Variants in RAB40C observed in about 807,000 individuals in gnomAD.
RAB40C encodes RAB40C, member RAS oncogene family, also known as ras-related protein Rab-40C.
A neutral mutation model predicts 28.1 loss-of-function variants in RAB40C; 8 were observed. That is an observed-to-expected ratio of 0.28 (90% confidence interval 0.17 to 0.51). The LOEUF is 0.51. RAB40C is among the 20% of genes least tolerant of loss of function. The pLI, the probability that RAB40C is intolerant of heterozygous loss-of-function variation, is 0.97. For missense variants in RAB40C, 288 were observed against 405.9 expected, an observed-to-expected ratio of 0.71 and a Z score of 2.50; for synonymous variants, 201 against 171.7, an observed-to-expected ratio of 1.17 and a Z score of -1.34.
intron 1 of RAB40C, among the ~76,000 whole-genome samples, chr16:598,936 G>C (rs1306987189): frequency 6.6e-6 from 1 of 152,176 alleles, no homozygotes; most frequent in African/African-American, 2.4e-5. Flanking sequence ...GGGAGCCTGT[G>C]TGCTGCTTTC....
intron 3 of RAB40C, among the ~76,000 whole-genome samples, chr16:619,095 T>C (rs2036656110): frequency 7.2e-6 from 1 of 138,198 alleles, no homozygotes; most frequent in Admixed American, 7.4e-5. Context: ...TGTGCAGGCA[T>C]GTGCACAGGT....
At position 627,975 on chromosome 16, in the gene RAB40C, C is replaced by T. The variant is rs2036877400; in HGVS notation, c.*353C>T. On this transcript the variant is annotated 3_prime_UTR_variant, in exon 6 of 6. Transcript: ENST00000248139. Reference sequence around the variant, plus strand: ...CATTTTTAAGGGGCCTTCAGGGAAGCCTGGGTGTGGCCCGGTGGTGGTGCA... The same window carrying T: ...CATTTTTAAGGGGCCTTCAGGGAAGTCTGGGTGTGGCCCGGTGGTGGTGCA... The T allele has an allele frequency of 8.6e-6, 2 of 232,594 alleles. No homozygotes were observed. Among genetic ancestry groups the T allele is most frequent in the Admixed American group, 5.4e-5 (1 of 18,454 alleles). The allele number at this position is 232,594 out of a possible 1,614,324, so 14.4% of individuals were successfully genotyped here. A position where few individuals can be genotyped will look rare whatever the true frequency, so the allele number is the denominator to read the frequency against.
At chr16:593,123 T>C (rs756605718) in intron 1 of RAB40C, among the ~76,000 whole-genome samples, 1 of 152,222 alleles carries the variant, frequency 6.6e-6, no homozygotes, top group Non-Finnish European at 1.5e-5. Context: ...GAACGCGCTT[T>C]CTGTGTCTAA....
chr16:620,906 C>G (rs995210756), intron 3 of RAB40C, among the ~76,000 whole-genome samples: 1 of 152,088 alleles, frequency 6.6e-6, no homozygotes, highest in Non-Finnish European at 1.5e-5. Flanking sequence ...CCAGTACAGT[C>G]GTGATTTCTG....
At chr16:626,887 GAGATCGTGCCACGGCACTCC>G (rs1239199968) in intron 5 of RAB40C, among the ~76,000 whole-genome samples, 2 of 152,226 alleles carry the variant, frequency 1.3e-5, no homozygotes, top group African/African-American at 4.8e-5. Context: ...GCAGTGAGCG[GAGATCGTGCCACGGCACTCC>G]AGCCTGGCGA....
chr16:602,910 C>T (rs2036282659), intron 1 of RAB40C, among the ~76,000 whole-genome samples: 1 of 152,126 alleles, frequency 6.6e-6, no homozygotes, highest in African/African-American at 2.4e-5. Context: ...GGGGTTTAAG[C>T]CACACTAAGC....
chr16:598,981 G>A (rs958549476), intron 1 of RAB40C, among the ~76,000 whole-genome samples: 4 of 152,122 alleles, frequency 2.6e-5, no homozygotes, highest in South Asian at 2.1e-4. Context: ...CTGGGCTTTC[G>A]CCTGACTTCC....
At chr16:604,412 T>C (rs2036317890) in intron 1 of RAB40C, among the ~76,000 whole-genome samples, 2 of 152,218 alleles carry the variant, frequency 1.3e-5, no homozygotes, top group African/African-American at 4.8e-5. Context: ...TTCTCTAGAA[T>C]ACACGAGTCC....
chr16:595,034 G>A (rs1206948405), intron 1 of RAB40C, among the ~76,000 whole-genome samples: 1 of 152,080 alleles, frequency 6.6e-6, no homozygotes, highest in Non-Finnish European at 1.5e-5. Context: ...GGCTAGGCTG[G>A]TCTCAAACCC....
At chr16:596,322 A>C (rs1357117463) in intron 1 of RAB40C, 2 of 455,980 alleles carry the variant, frequency 4.4e-6, no homozygotes, top group Non-Finnish European at 8.8e-6. Context: ...TGAAGATTGC[A>C]GCTGAGAAGG....
At chr16:591,592 C>G (rs921164770) in intron 1 of RAB40C, among the ~76,000 whole-genome samples, 1 of 150,958 alleles carries the variant, frequency 6.6e-6, no homozygotes, top group Non-Finnish European at 1.5e-5. Flanking sequence ...CTTTTCTTTT[C>G]TTTCTTTTTT....
intron 5 of RAB40C, among the ~76,000 whole-genome samples, chr16:626,341 C>G (rs911446610): frequency 2.0e-5 from 3 of 152,184 alleles, no homozygotes; most frequent in African/African-American, 7.2e-5. Context: ...GATGACCCCC[C>G]CTCAGGGTGC....
rs1430804985 is a variant in RAB40C, at chr16:617,144, C to T, written c.143-64C>T. On this transcript the variant is annotated intron_variant, in intron 1 of 5. Coordinates refer to ENST00000248139, the MANE Select transcript of RAB40C (RefSeq NM_021168.5). Reference sequence around the variant, plus strand: ...GGCCCTGGGAGGCCAGTGGCCGAGGCTGGTCTCGCGGGCGCTCGCTCCAGG... The same window carrying T: ...GGCCCTGGGAGGCCAGTGGCCGAGGTTGGTCTCGCGGGCGCTCGCTCCAGG... 2.0e-5 allele frequency: 31 copies of T among 1,567,268 alleles called. No individual in the cohort carries two copies. The South Asian group carries it at 3.4e-4, about 17-fold the overall frequency.
At chr16:616,896 A>C (rs925580820) in intron 1 of RAB40C, 6 of 397,924 alleles carry the variant, frequency 1.5e-5, no homozygotes, top group African/African-American at 1.2e-4. Flanking sequence ...CGGAGGCCCC[A>C]TTCCAGGCAA....
chr16:590,748 A>G lies in RAB40C; in HGVS notation c.142+315A>G, dbSNP rs181171423. On this transcript the variant is annotated intron_variant, in intron 1 of 5. Coordinates refer to ENST00000248139, the MANE Select transcript of RAB40C (RefSeq NM_021168.5). ...GTCATGGGTCCGGGATCTGGAGCCC[A>G]GGGGAAGGTGTCATGGGTCCTAGAG... is the stretch of plus-strand genomic sequence containing the variant. Among the ~76,000 whole-genome samples the G allele has an allele frequency of 2.1e-4, 31 of 150,138 alleles. No homozygotes were observed. In the East Asian group the frequency reaches 4.8e-3, roughly 23 times the overall value.
rs143376117 is a variant in RAB40C at position 605,452 on chromosome 16, C to T, written c.143-11756C>T. Among the ~76,000 whole-genome samples, 213 of 152,334 alleles carry T rather than the reference C, an allele frequency of 1.4e-3. 6 individuals are homozygous for T. The highest frequency in any genetic ancestry group is 0.012 in the South Asian group (56 of 4,834). On this transcript the variant is annotated intron_variant, in intron 1 of 5. Coordinates refer to ENST00000248139, the MANE Select transcript of RAB40C (RefSeq NM_021168.5). ...GCCGGCCTGAGAAAGCATCAGCCCTCGCAGCCTCGCCCTCTGCAGGCCTCT... is the reference window on the plus strand; with the variant it reads ...GCCGGCCTGAGAAAGCATCAGCCCTTGCAGCCTCGCCCTCTGCAGGCCTCT...
At chr16:625,318 A>T in intron 3 of RAB40C, 114 bp from the exon 4 acceptor site, 2 of 1,501,080 alleles carry the variant, frequency 1.3e-6, no homozygotes, top group Non-Finnish European at 1.8e-6. Context: ...TCCGCCAAGT[A>T]ATAAGCATCC....
chr16:624,374 G>A (rs996019943), intron 3 of RAB40C: 7 of 985,276 alleles, frequency 7.1e-6, no homozygotes, highest in South Asian at 9.4e-5. Context: ...ATCATTTATC[G>A]CCCACCAGAC....
At chr16:595,127 G>A (rs1036363941) in intron 1 of RAB40C, among the ~76,000 whole-genome samples, 3 of 152,192 alleles carry the variant, frequency 2.0e-5, no homozygotes, top group African/African-American at 7.2e-5. Context: ...CCTCTGTGAG[G>A]TGCCGGGTTT....
Sources: allele counts gnomAD v4.1 joint callset (sites outside exome capture counted in the v4.1 genomes callset), GRCh38; gene constraint gnomAD v4.1.1; transcripts MANE v1.5; gene names NCBI Gene and HGNC (gene_info 2026-07-23, HGNC 2026-07-21).